The following ALG12 variants were observed in gnomAD, a reference collection of about 807,000 sequenced individuals.
ALG12 encodes dol-P-Man:Man(7)GlcNAc(2)-PP-Dol alpha-1,6-mannosyltransferase.
Under a neutral mutation model 46.0 loss-of-function variants are expected in ALG12, and 36 were observed. The ratio of observed to expected loss-of-function variants is 0.78; its 90% confidence interval spans 0.60 to 1.03. The LOEUF (loss-of-function observed/expected upper bound fraction) is 1.03. ALG12 is among the 50% of genes least tolerant of loss of function. ALG12 has a pLI of 0.00. For synonymous variants in ALG12, 326 were observed against 291.6 expected, an observed-to-expected ratio of 1.12 and a Z score of -1.20; for missense variants, 599 against 633.5, an observed-to-expected ratio of 0.95 and a Z score of 0.58.
At chr22:49,909,382 C>T (rs1208208520) in intron 5 of ALG12, 35 bp from the exon 6 acceptor site, 1 of 1,594,406 alleles carries the variant, frequency 6.3e-7, no homozygotes, top group Non-Finnish European at 8.6e-7. Flanking sequence ...TAGTCGCAAA[C>T]ACAGCCATCA....
rs565800077 is a variant in ALG12, at chr22:49,912,618, A to C, written c.295+767T>G. 2.0e-4 allele frequency among the ~76,000 whole-genome samples: 31 copies of C among 152,328 alleles called. No homozygotes were observed. The East Asian group carries it at 4.0e-3, about 20-fold the overall frequency. ...GCTACTTCTTAAAGCTCTCCACACAAGCTGGACTGACTCGCTGGAAGCATG... is the reference window on the plus strand; with the variant it reads ...GCTACTTCTTAAAGCTCTCCACACACGCTGGACTGACTCGCTGGAAGCATG... On this transcript the variant is annotated intron_variant, in intron 3 of 9. Coordinates refer to ENST00000330817, the MANE Select transcript of ALG12 (RefSeq NM_024105.4).
chr22:49,869,442 T>G, the ALG12 span, among the ~76,000 whole-genome samples: 1 of 152,250 alleles, frequency 6.6e-6, no homozygotes, highest in South Asian at 2.1e-4. Context: ...TGCGTGGACT[T>G]TAGTGTGGGT....
At position 49,909,904 on chromosome 22, in the gene ALG12, GAT is replaced by G; in HGVS notation, c.652_653del (p.Ile218ProfsTer116). On this transcript the variant is annotated frameshift_variant, in exon 5 of 10. Transcript: ENST00000330817. LOFTEE classifies it high-confidence loss of function. ...CAGTGACTGACTTACCTAAACAGAG[GAT>G]CCCTGCCGGGACGGCGTGGCGAAGG... is the stretch of plus-strand genomic sequence containing the variant. ...RALRHAVPAG[I>X]LCLGLTVAVD... 6.2e-7 allele frequency: 1 copy of G among 1,614,122 alleles called. No homozygotes were observed. The highest frequency in any genetic ancestry group is 8.5e-7 in the Non-Finnish European group (1 of 1,180,022).
the ALG12 span, chr22:49,886,770 G>T: frequency 1.2e-6 from 2 of 1,612,492 alleles, no homozygotes; most frequent in Non-Finnish European, 1.7e-6. The surrounding 1 kb of genome is among the most constrained non-coding windows in gnomAD (Gnocchi z 7.7). Flanking sequence ...TCGAACTCAT[G>T]AATTCTACCT....
At chr22:49,885,106 T>A in the ALG12 span, 1 of 1,613,952 alleles carries the variant, frequency 6.2e-7, no homozygotes, top group Admixed American at 1.7e-5. Context: ...GTACTGCGGC[T>A]GTGCCATCAG....
At chr22:49,916,843 TG>T (rs1199494863) in intron 1 of ALG12, among the ~76,000 whole-genome samples, 1 of 152,030 alleles carries the variant, frequency 6.6e-6, no homozygotes, top group East Asian at 1.9e-4. Flanking sequence ...ATGTGGGAGG[TG>T]CACACAGCAA....
chr22:49,864,203 C>T, the ALG12 span, among the ~76,000 whole-genome samples: 3 of 152,226 alleles, frequency 2.0e-5, no homozygotes, highest in Non-Finnish European at 2.9e-5. Flanking sequence ...GTGCTTTAAT[C>T]TTACGTCTCC....
In ALG12 at chr22:49,917,967, G is replaced by A. The variant is rs552566144; in HGVS notation, c.-79+296C>T. Among the ~76,000 whole-genome samples, 293 of 140,000 alleles carry A rather than the reference G, an allele frequency of 2.1e-3. 3 individuals carry two copies. The highest frequency in any genetic ancestry group is 0.016 in the Middle Eastern group (4 of 256). 91.8% of individuals were successfully genotyped at this position (140,000 alleles called of 152,430 possible). A position where few individuals can be genotyped will look rare whatever the true frequency, so the allele number is the denominator to read the frequency against. On this transcript the variant is annotated intron_variant, in intron 1 of 9. Transcript: ENST00000330817. ...AGGTCCGGCCCCAGGTGAGGAGCCC[G>A]GCCCCAGGTGAGAGGTCCAGCCCCA...
chr22:49,909,910 T>C lies in ALG12; in HGVS notation c.648A>G (p.Ala216=), dbSNP rs2060565574. 3.7e-6 allele frequency: 6 copies of C among 1,614,040 alleles called. No homozygotes were observed. The highest frequency in any genetic ancestry group is 5.1e-6 in the Non-Finnish European group (6 of 1,180,036). ...CTGACTTACCTAAACAGAGGATCCC[T>C]GCCGGGACGGCGTGGCGAAGGGCTC... ...VVRALRHAVP[A]GILCLGLTVA... Residue 216 remains alanine (A), a synonymous_variant, in exon 5 of 10, where the codon GCA becomes GCG. Coordinates refer to ENST00000330817, the MANE Select transcript of ALG12 (RefSeq NM_024105.4).
At chr22:49,884,856 G>A in the ALG12 span, 1 of 1,610,518 alleles carries the variant, frequency 6.2e-7, no homozygotes, top group South Asian at 1.1e-5. Context: ...AGGACTTGCA[G>A]TCTCACTTGA....
the ALG12 span, among the ~76,000 whole-genome samples, chr22:49,891,620 C>T: frequency 6.6e-6 from 1 of 152,114 alleles, no homozygotes; most frequent in East Asian, 1.9e-4. Context: ...ATTCTTCCAC[C>T]CAAGGTTCAC....
chr22:49,884,071 A>T, the ALG12 span: 5 of 1,610,046 alleles, frequency 3.1e-6, no homozygotes, highest in South Asian at 5.5e-5. Context: ...AGCAATATGC[A>T]TGTACTGTGT....
At chr22:49,886,624 G>A in the ALG12 span, 3 of 1,581,458 alleles carry the variant, frequency 1.9e-6, no homozygotes, top group East Asian at 6.7e-5. The surrounding 1 kb of genome is among the most constrained non-coding windows in gnomAD (Gnocchi z 7.7). Context: ...TCTGAAGGAG[G>A]CCATGGTGAG....
the ALG12 span, chr22:49,886,680 G>A: frequency 2.9e-5 from 46 of 1,612,078 alleles, no homozygotes; most frequent in Middle Eastern, 4.9e-4. The surrounding 1 kb of genome is among the most constrained non-coding windows in gnomAD (Gnocchi z 7.7). Context: ...TCTTCGCCAC[G>A]CTGCTGGATC....
chr22:49,886,815 T>C, the ALG12 span: 40 of 1,613,572 alleles, frequency 2.5e-5, no homozygotes, highest in African/African-American at 4.9e-4. The surrounding 1 kb of genome is among the most constrained non-coding windows in gnomAD (Gnocchi z 7.7). Flanking sequence ...GGTGTGATGC[T>C]GGCTCCCCGT....
At chr22:49,882,016 C>T in the ALG12 span, among the ~76,000 whole-genome samples, 6 of 152,178 alleles carry the variant, frequency 3.9e-5, no homozygotes, top group Non-Finnish European at 8.8e-5. Context: ...AAGCCTGTTT[C>T]CCCAGCAGTA....
At chr22:49,885,852 C>A in the ALG12 span, 1 of 1,449,090 alleles carries the variant, frequency 6.9e-7, no homozygotes, top group Non-Finnish European at 9.7e-7. Flanking sequence ...TGATCCACTT[C>A]ACGTCTGGAA....
chr22:49,916,535 G>A (rs533468539), intron 1 of ALG12, among the ~76,000 whole-genome samples: 9 of 152,196 alleles, frequency 5.9e-5, no homozygotes, highest in East Asian at 1.9e-4. Flanking sequence ...AGCCAAGATC[G>A]CACCACTGTA....
chr22:49,884,742 T>C, the ALG12 span: 1 of 1,594,090 alleles, frequency 6.3e-7, no homozygotes, highest in Admixed American at 1.7e-5. Flanking sequence ...CTCTGCTGCC[T>C]TCCTTGCTGC....
Sources: allele counts gnomAD v4.1 joint callset (sites outside exome capture counted in the v4.1 genomes callset), GRCh38; gene constraint gnomAD v4.1.1; non-coding constraint Gnocchi (gnomAD v3.1); transcripts MANE v1.5; gene names NCBI Gene and HGNC (gene_info 2026-07-23, HGNC 2026-07-21).